UNC13B: variants seen among roughly 807,000 people sequenced by gnomAD.
The protein encoded by UNC13B is protein unc-13 homolog B.
A neutral mutation model predicts 211.0 loss-of-function variants in UNC13B; 144 were observed. That is an observed-to-expected ratio of 0.68 (90% CI 0.60 to 0.78). The LOEUF is 0.78. Among genes scored for constraint, UNC13B ranks in the 30% least tolerant of loss-of-function variants. The pLI, the probability that UNC13B is intolerant of heterozygous loss-of-function variation, is 0.00. For synonymous variants in UNC13B, 709 were observed against 725.8 expected, an observed-to-expected ratio of 0.98 and a Z score of 0.37; for missense variants, 1,777 against 2,002.0, an observed-to-expected ratio of 0.89 and a Z score of 2.14.
chr9:35,313,771 G>T, intron 10 of UNC13B, 128 bp from the exon 11 acceptor site: 1 of 688,440 alleles, frequency 1.5e-6, no homozygotes, highest in Non-Finnish European at 2.6e-6. Flanking sequence ...TTAGTAGCCT[G>T]AATCACTAAA....
Position 35,307,756 on chromosome 9 carries a change from GA to G in UNC13B, c.8355del (p.Lys2785AsnfsTer3). 2.5e-6 allele frequency: 1 copy of G among 399,008 alleles called. No individual in the cohort carries two copies. Among genetic ancestry groups the G allele is most frequent in the Non-Finnish European group, 4.4e-6 (1 of 226,090 alleles). 24.7% of individuals were successfully genotyped at this position (399,008 alleles called of 1,614,324 possible). A position where few individuals can be genotyped will look rare whatever the true frequency, so the allele number is the denominator to read the frequency against. On this transcript the variant is annotated frameshift_variant, in exon 9 of 40. Transcript: ENST00000635942. LOFTEE classifies it high-confidence loss of function. ...TGCCATCCTCTGCTACTAACCATGG[GA>G]AACCACTGAGCTCTTTCTTTTCCTC... ...RLPSSATNHG[K>X]PLSSFFSSPL...
chr9:35,341,858 G>A (rs1832016473), intron 11 of UNC13B: 2 of 908,260 alleles, frequency 2.2e-6, no homozygotes, highest in East Asian at 1.2e-4. Context: ...AGGAGGAGGA[G>A]CAGCAGCAGG....
intron 14 of UNC13B, among the ~76,000 whole-genome samples, chr9:35,375,792 C>T (rs569809304): frequency 6.6e-6 from 1 of 152,284 alleles, no homozygotes; most frequent in Middle Eastern, 3.4e-3. Context: ...ACAAGCCTGA[C>T]CAACATGGTG....
chr9:35,377,374 G>T (rs1834493049), intron 15 of UNC13B, 94 bp from the exon 16 acceptor site: 4 of 1,321,046 alleles, frequency 3.0e-6, no homozygotes, highest in Non-Finnish European at 3.1e-6. Flanking sequence ...TGGCTGCATA[G>T]TTTCTCCACT....
intron 5 of UNC13B, among the ~76,000 whole-genome samples, 187 bp downstream of exon 5, chr9:35,238,013 C>G (rs1825608819): frequency 1.3e-5 from 2 of 151,434 alleles, no homozygotes; most frequent in African/African-American, 4.9e-5. Context: ...GAATAGTGCT[C>G]ATTAAAGAAT....
chr9:35,348,823 A>G (rs1832532190), intron 11 of UNC13B, among the ~76,000 whole-genome samples: 1 of 152,208 alleles, frequency 6.6e-6, no homozygotes, highest in Non-Finnish European at 1.5e-5. Context: ...ACAAGACCCA[A>G]ACTTAAGTCT....
chr9:35,263,170 G>A (rs923384948), intron 7 of UNC13B, among the ~76,000 whole-genome samples: 1 of 152,078 alleles, frequency 6.6e-6, no homozygotes, highest in African/African-American at 2.4e-5. Flanking sequence ...AGTCATCACA[G>A]CAGACAAAGA....
chr9:35,312,721 C>A (rs1830238186), intron 10 of UNC13B, among the ~76,000 whole-genome samples: 1 of 152,150 alleles, frequency 6.6e-6, no homozygotes, highest in African/African-American at 2.4e-5. Flanking sequence ...GGCTGTAGAC[C>A]TCAAAGAGAG....
rs554444928 is a variant in UNC13B at position 35,237,836 on chromosome 9, A to G, written c.394+10A>G. ...TTTGAGTTGCCTTTTGGTGAGTAAA[A>G]TTTTAAAACTATTTAATAATTTTTA... On this transcript the variant is annotated intron_variant, in intron 5 of 39. Coordinates refer to ENST00000635942, the MANE Select transcript of UNC13B (RefSeq NM_001371189.2). The G allele has an allele frequency of 3.8e-6, 6 of 1,594,752 alleles. No individual in the cohort carries two copies. In the African/African-American group the frequency reaches 6.8e-5, roughly 18 times the overall value.
At position 35,162,217 on chromosome 9, in the gene UNC13B, G is replaced by A. The variant is rs552894430; in HGVS notation, c.-67G>A. On this transcript the variant is annotated 5_prime_UTR_variant, in exon 1 of 40. Coordinates refer to ENST00000635942, the MANE Select transcript of UNC13B (RefSeq NM_001371189.2). ...GGTAACGAGAGCAGTCGCGGCACCT[G>A]CTGAGAGGAAAGAGGGAGCGGTCCG... 21 of 1,541,322 alleles carry A rather than the reference G, an allele frequency of 1.4e-5. No individual in the cohort carries two copies. In the Admixed American group the frequency reaches 1.4e-4, roughly 10 times the overall value.
chr9:35,314,502 C>T (rs1373115556), intron 11 of UNC13B, among the ~76,000 whole-genome samples: 2 of 152,090 alleles, frequency 1.3e-5, no homozygotes, highest in Admixed American at 6.6e-5. Context: ...TTTGAAGTGT[C>T]TTTATCTGTG....
At chr9:35,206,595 G>GCACC (rs1823660449) in intron 1 of UNC13B, among the ~76,000 whole-genome samples, 1 of 152,106 alleles carries the variant, frequency 6.6e-6, no homozygotes, top group Non-Finnish European at 1.5e-5. Context: ...TGTAGGCCGG[G>GCACC]TGTGGCACAG....
chr9:35,375,497 G>C (rs1385671774), intron 14 of UNC13B, among the ~76,000 whole-genome samples: 2 of 152,202 alleles, frequency 1.3e-5, no homozygotes, highest in African/African-American at 4.8e-5. Flanking sequence ...CTGGAACAAG[G>C]CTCGGATCCA....
chr9:35,306,301 G>A lies in UNC13B; in HGVS notation c.6897G>A (p.Glu2299=), dbSNP rs139404467. The part of the protein sequence containing the change: ...NTIEVTSLAD[E]LSVDKDCQEK... Reference sequence around the variant, plus strand: ...TTGAGGTTACCTCCCTTGCAGATGAGCTCAGTGTAGACAAGGACTGTCAGG... The same window carrying A: ...TTGAGGTTACCTCCCTTGCAGATGAACTCAGTGTAGACAAGGACTGTCAGG... Residue 2299 remains glutamate (E), a synonymous_variant, in exon 9 of 40, where the codon GAG becomes GAA. Coordinates refer to ENST00000635942, the MANE Select transcript of UNC13B (RefSeq NM_001371189.2). 1.3e-3 allele frequency: 503 copies of A among 398,992 alleles called. 3 individuals carry two copies. In the East Asian group the frequency reaches 0.018, roughly 14 times the overall value. The allele number at this position is 398,992 out of a possible 1,614,324, so 24.7% of individuals were successfully genotyped here.
intron 3 of UNC13B, 59 bp from the exon 4 acceptor site, chr9:35,236,410 T>G: frequency 7.5e-7 from 1 of 1,326,474 alleles, no homozygotes; most frequent in African/African-American, 1.5e-5. Flanking sequence ...AAACAGGAGA[T>G]GTAGTTGTTT....
At chr9:35,364,986 T>C (rs1833684821) in intron 11 of UNC13B, among the ~76,000 whole-genome samples, 1 of 152,240 alleles carries the variant, frequency 6.6e-6, no homozygotes, top group South Asian at 2.1e-4. Flanking sequence ...GCATGTGTAC[T>C]TTGTATTTGA....
chr9:35,225,902 A>C (rs1476900408), intron 1 of UNC13B, among the ~76,000 whole-genome samples: 3 of 152,042 alleles, frequency 2.0e-5, no homozygotes, highest in African/African-American at 7.2e-5. Context: ...AGGAGTTGAC[A>C]GTGGTGGCAG....
intron 11 of UNC13B, among the ~76,000 whole-genome samples, chr9:35,337,594 TC>T (rs1045698048): frequency 1.3e-5 from 2 of 152,264 alleles, no homozygotes; most frequent in Non-Finnish European, 2.9e-5. Context: ...CATTAAGTCT[TC>T]TTTTCCCCTT....
Position 35,390,339 on chromosome 9 carries a change from G to A in UNC13B, c.11223-290G>A, listed in dbSNP as rs577897977. ...TTCTCCTCCAGCTTATTTAGCCTGCGCCTGCTTTCCAGCCTCTGCCTGGAG... is the reference window on the plus strand; with the variant it reads ...TTCTCCTCCAGCTTATTTAGCCTGCACCTGCTTTCCAGCCTCTGCCTGGAG... On this transcript the variant is annotated intron_variant, in intron 25 of 39. Coordinates refer to ENST00000635942, the MANE Select transcript of UNC13B (RefSeq NM_001371189.2). Among the ~76,000 whole-genome samples, 477 of 152,298 alleles carry A rather than the reference G, an allele frequency of 3.1e-3. 1 individual carries two copies. The highest frequency in any genetic ancestry group is 0.011 in the African/African-American group (457 of 41,556).
Sources: gnomAD v4.1 joint callset for allele counts (sites outside exome capture counted in the v4.1 genomes callset) on GRCh38, gnomAD v4.1.1 for gene constraint, MANE v1.5 for transcripts, NCBI Gene and HGNC (gene_info 2026-07-23, HGNC 2026-07-21) for gene names.